Variants in MALRD1 observed in about 807,000 individuals in gnomAD.
MALRD1 encodes MAM and LDL receptor class A domain containing 1.
MALRD1 carries 247 observed loss-of-function variants against 242.1 expected under a neutral mutation model. The ratio of observed to expected loss-of-function variants is 1.02; its 90% CI spans 0.92 to 1.13. The LOEUF (loss-of-function observed/expected upper bound fraction) is 1.13, where lower values mean the gene tolerates loss of function less well. Ranked by LOEUF, MALRD1 falls within the 50% of genes most tolerant of loss-of-function variation. MALRD1 has a pLI of 0.00. For missense variants in MALRD1, 2,989 were observed against 2,533.1 expected, an observed-to-expected ratio of 1.18 and a Z score of -3.86; for synonymous variants, 995 against 866.6, an observed-to-expected ratio of 1.15 and a Z score of -2.60.
intron 33 of MALRD1, among the ~76,000 whole-genome samples, chr10:19,580,640 G>A (rs1837070885): frequency 6.6e-6 from 1 of 152,098 alleles, no homozygotes; most frequent in African/African-American, 2.4e-5. Flanking sequence ...TGTTAAGTCT[G>A]AATTTTTTCC....
chr10:19,511,522 T>A (rs555878786), intron 31 of MALRD1, among the ~76,000 whole-genome samples: 3 of 152,242 alleles, frequency 2.0e-5, no homozygotes, highest in Non-Finnish European at 4.4e-5. Context: ...TTTTTTGTTG[T>A]TCTTATTCAA....
In MALRD1 at chr10:19,128,312, G is replaced by T. The variant is rs1214078717; in HGVS notation, c.1035G>T (p.Leu345=). 1 of 1,233,414 alleles carries T rather than the reference G, an allele frequency of 8.1e-7. No homozygotes were observed. The highest frequency in any genetic ancestry group is 1.0e-6 in the Non-Finnish European group (1 of 987,790). 76.4% of individuals were successfully genotyped at this position (1,233,414 alleles called of 1,614,324 possible). Reference sequence around the variant, plus strand: ...TAAATAGCTCTGTGTGTCATTGCCTGGGCAAGAGCTGTCATCTTCAATTCT... The same window carrying T: ...TAAATAGCTCTGTGTGTCATTGCCTTGGCAAGAGCTGTCATCTTCAATTCT... The part of the protein sequence containing the change: ...AYLNSSVCHC[L]GKSCHLQFYY... The change falls in exon 8 of 40, where the codon CTG becomes CTT. Residue 345 remains leucine (L), a synonymous_variant. Coordinates refer to ENST00000454679, the MANE Select transcript of MALRD1 (RefSeq NM_001142308.3).
At chr10:19,630,619 TA>T (rs1005691450) in intron 36 of MALRD1, among the ~76,000 whole-genome samples, 140 of 152,146 alleles carry the variant, frequency 9.2e-4, no homozygotes, top group Admixed American at 2.3e-3. Flanking sequence ...TTGTTGAAAT[TA>T]AAAATGATAT....
chr10:19,506,519 C>T (rs1160057453), intron 31 of MALRD1, among the ~76,000 whole-genome samples: 1 of 152,040 alleles, frequency 6.6e-6, no homozygotes, highest in East Asian at 1.9e-4. Flanking sequence ...TTATTCATAT[C>T]TATTGACACT....
intron 2 of MALRD1, among the ~76,000 whole-genome samples, chr10:19,075,591 G>A (rs1039042625): frequency 6.6e-6 from 1 of 151,998 alleles, no homozygotes; most frequent in Non-Finnish European, 1.5e-5. Context: ...TCAGTCTTAG[G>A]GCTGTGTGGA....
chr10:19,113,637 TTTTCTTTC>T (rs756367762), intron 5 of MALRD1, among the ~76,000 whole-genome samples: 2 of 151,864 alleles, frequency 1.3e-5, no homozygotes, highest in African/African-American at 4.8e-5. Context: ...TGTTCCTTCC[TTTTCTTTC>T]TTTCTTTCTT....
At chr10:19,585,208 G>T (rs1483987635) in intron 33 of MALRD1, among the ~76,000 whole-genome samples, 1 of 152,008 alleles carries the variant, frequency 6.6e-6, no homozygotes, top group African/African-American at 2.4e-5. Flanking sequence ...TTTAATTGGA[G>T]CATTTAGTCC....
intron 28 of MALRD1, among the ~76,000 whole-genome samples, chr10:19,428,222 C>T (rs569744764): frequency 1.3e-5 from 2 of 151,822 alleles, no homozygotes; most frequent in Non-Finnish European, 2.9e-5. Context: ...CGAGATTTCA[C>T]GGCAAGCTCC....
chr10:19,578,434 G>A (rs1836937126), intron 33 of MALRD1, among the ~76,000 whole-genome samples: 1 of 152,200 alleles, frequency 6.6e-6, no homozygotes, highest in Non-Finnish European at 1.5e-5. Context: ...GCTCATGCCT[G>A]TAATTCCAGC....
At chr10:19,662,708 A>G (rs2131736975) in intron 36 of MALRD1, among the ~76,000 whole-genome samples, 1 of 152,290 alleles carries the variant, frequency 6.6e-6, no homozygotes, top group African/African-American at 2.4e-5. Flanking sequence ...TTCTGTATAT[A>G]ACTTTGGAAA....
chr10:19,174,861 C>G (rs1404282492), intron 13 of MALRD1, among the ~76,000 whole-genome samples: 1 of 151,984 alleles, frequency 6.6e-6, no homozygotes, highest in Non-Finnish European at 1.5e-5. Flanking sequence ...CAATTCATAT[C>G]TCAGTTAAAT....
intron 34 of MALRD1, among the ~76,000 whole-genome samples, chr10:19,598,070 A>G (rs1258562073): frequency 6.6e-6 from 1 of 152,288 alleles, no homozygotes; most frequent in African/African-American, 2.4e-5. Flanking sequence ...CCAGTGCTAT[A>G]TAACGGTACT....
intron 14 of MALRD1, among the ~76,000 whole-genome samples, chr10:19,202,465 A>G (rs1252211982): frequency 1.3e-5 from 2 of 152,160 alleles, no homozygotes; most frequent in East Asian, 3.9e-4. Flanking sequence ...TGATATTTTT[A>G]TCATTGGGTT....
chr10:19,570,490 C>A (rs1281591686), intron 33 of MALRD1, among the ~76,000 whole-genome samples: 1 of 151,966 alleles, frequency 6.6e-6, no homozygotes, highest in Non-Finnish European at 1.5e-5. Context: ...GAAATGTGAT[C>A]CTTTAGCACT....
intron 24 of MALRD1, among the ~76,000 whole-genome samples, chr10:19,344,187 C>G (rs531733616): frequency 4.6e-5 from 7 of 152,062 alleles, no homozygotes; most frequent in Middle Eastern, 3.2e-3. Flanking sequence ...TTGATCTTTC[C>G]TCTTCCAGAT....
At chr10:19,251,009 A>G (rs1839272227) in intron 18 of MALRD1, among the ~76,000 whole-genome samples, 1 of 151,966 alleles carries the variant, frequency 6.6e-6, no homozygotes, top group Non-Finnish European at 1.5e-5. Context: ...CTTGATGGGA[A>G]AAGGCTTTGT....
intron 36 of MALRD1, among the ~76,000 whole-genome samples, chr10:19,629,233 A>G (rs533853999): frequency 2.0e-5 from 3 of 152,282 alleles, no homozygotes; most frequent in African/African-American, 7.2e-5. Context: ...CAAATGAATG[A>G]CCTGTTGACT....
intron 38 of MALRD1, among the ~76,000 whole-genome samples, chr10:19,708,504 A>ATTTTTTTTTT (rs35508391): frequency 5.3e-5 from 3 of 56,818 alleles, no homozygotes; most frequent in Non-Finnish European, 6.9e-5. Flanking sequence ...ACTCCCAGCT[A>ATTTTTTTTTT]TTTTTTTTTT....
At chr10:19,266,703 T>C (rs1839988281) in intron 19 of MALRD1, among the ~76,000 whole-genome samples, 1 of 152,028 alleles carries the variant, frequency 6.6e-6, no homozygotes, top group East Asian at 1.9e-4. Flanking sequence ...GGATATGCAA[T>C]ATGTAAATAA....
Sources: allele counts gnomAD v4.1 joint callset (sites outside exome capture counted in the v4.1 genomes callset), GRCh38; gene constraint gnomAD v4.1.1; transcripts MANE v1.5; gene names NCBI Gene and HGNC (gene_info 2026-07-23, HGNC 2026-07-21).